HEPH: variants seen among roughly 807,000 people sequenced by gnomAD.
HEPH encodes the protein hephaestin.
In HEPH, 69 loss-of-function variants were observed where a neutral mutation model predicts 80.8. That is an observed-to-expected ratio of 0.85 (90% confidence interval 0.70 to 1.04). HEPH has a LOEUF of 1.04. Among genes scored for constraint, HEPH ranks in the 50% least tolerant of loss-of-function variants. The probability of loss-of-function intolerance (pLI) is 0.00; values close to 1 mark genes in which losing one functional copy is unlikely to be tolerated. For missense variants in HEPH, 1,115 were observed against 891.3 expected, an observed-to-expected ratio of 1.25 and a Z score of -3.20; for synonymous variants, 431 against 322.8, an observed-to-expected ratio of 1.34 and a Z score of -3.60.
intron 15 of HEPH, among the ~76,000 whole-genome samples, chrX:66,209,011 TATTA>T (rs1316336881): frequency 9.0e-6 from 1 of 110,924 alleles, no homozygotes; most frequent in Admixed American, 9.6e-5. Context: ...CATTCTCTTT[TATTA>T]ATTCATTCAT....
At chrX:66,211,000 G>C (rs1238707196) in intron 15 of HEPH, among the ~76,000 whole-genome samples, 1 of 111,445 alleles carries the variant, frequency 9.0e-6, no homozygotes, top group Non-Finnish European at 1.9e-5. Flanking sequence ...GAGCTGTACG[G>C]ATAGAAGATT....
intron 15 of HEPH, among the ~76,000 whole-genome samples, chrX:66,236,729 C>T (rs982640972): frequency 2.7e-5 from 3 of 111,253 alleles, no homozygotes; most frequent in Non-Finnish European, 5.7e-5. Flanking sequence ...GGTTGTGAAT[C>T]TGTCTGGTCC....
At chrX:66,241,442 A>G (rs1024910476) in intron 15 of HEPH, among the ~76,000 whole-genome samples, 59 of 112,007 alleles carry the variant, frequency 5.3e-4, no homozygotes, top group African/African-American at 1.7e-3. Flanking sequence ...AAAACAAAAA[A>G]GAGCTGAGGT....
At chrX:66,195,016 C>G (rs907967974) in intron 8 of HEPH, 82 bp from the exon 9 acceptor site, 2 of 801,200 alleles carry the variant, frequency 2.5e-6, no homozygotes, top group Non-Finnish European at 3.4e-6. Flanking sequence ...CTTTCCTTTT[C>G]TTTCCCTCCC....
intron 15 of HEPH, among the ~76,000 whole-genome samples, chrX:66,250,121 G>A (rs758731491): frequency 6.3e-4 from 70 of 111,100 alleles, no homozygotes; most frequent in African/African-American, 2.3e-3. Context: ...AATTCTACAT[G>A]GTTTTTTTGT....
intron 15 of HEPH, among the ~76,000 whole-genome samples, chrX:66,251,950 T>A (rs778213905): frequency 8.9e-5 from 10 of 112,175 alleles, no homozygotes; most frequent in Admixed American, 1.9e-4. Flanking sequence ...TTACTTTGTA[T>A]TTTAAAAGGT....
intron 4 of HEPH, among the ~76,000 whole-genome samples, chrX:66,176,620 G>A (rs918787170): frequency 1.3e-4 from 14 of 111,035 alleles, no homozygotes; most frequent in African/African-American, 4.6e-4. Flanking sequence ...TTTAGCATTA[G>A]GTATATCTCC....
At chrX:66,167,683 G>T (rs2086433810) in intron 1 of HEPH, among the ~76,000 whole-genome samples, 1 of 112,222 alleles carries the variant, frequency 8.9e-6, no homozygotes, top group Non-Finnish European at 1.9e-5. Context: ...ATCAGTGAAT[G>T]TAAGTATTGG....
intron 19 of HEPH, among the ~76,000 whole-genome samples, chrX:66,260,694 T>C (rs2091333091): frequency 8.9e-6 from 1 of 112,536 alleles, no homozygotes; most frequent in African/African-American, 3.2e-5. Flanking sequence ...AAAAAGAGAA[T>C]AAAAATAATT....
chrX:66,256,644 G>A (rs1316799768), intron 17 of HEPH, among the ~76,000 whole-genome samples: 1 of 111,782 alleles, frequency 8.9e-6, no homozygotes, highest in Non-Finnish European at 1.9e-5. Flanking sequence ...CAATGTACTT[G>A]TCAAGCTGGC....
At chrX:66,258,789 A>C (rs2091262920) in intron 17 of HEPH, 51 bp from the exon 18 acceptor site, 1 of 1,032,991 alleles carries the variant, frequency 9.7e-7, no homozygotes, top group Non-Finnish European at 1.3e-6. Context: ...CAAAGGAGAG[A>C]TGTAAGAAGC....
Position 66,255,151 on chromosome X carries a change from A to T in HEPH, c.2670+10A>T, listed in dbSNP as rs375902133. The T allele has an allele frequency of 3.1e-5, 35 of 1,144,671 alleles. No individual in the cohort carries two copies. The highest frequency in any genetic ancestry group is 4.2e-5 in the Non-Finnish European group (35 of 840,127). The allele number at this position is 1,144,671 out of a possible 1,213,427, so 94.3% of individuals were successfully genotyped here. On this transcript the variant is annotated intron_variant, in intron 16 of 20. Coordinates refer to ENST00000343002, the MANE Select transcript of HEPH (RefSeq NM_001367233.3). ...AGTGGATCCCATCAAGGTAAATACA[A>T]GATTGGCTACCTGGAGGTGGGTCAA...
intron 4 of HEPH, among the ~76,000 whole-genome samples, chrX:66,176,580 T>C (rs1375291448): frequency 4.5e-5 from 5 of 111,682 alleles, no homozygotes; most frequent in African/African-American, 1.6e-4. Flanking sequence ...ACATGTGCCA[T>C]GTTGGTGCGC....
intron 4 of HEPH, among the ~76,000 whole-genome samples, chrX:66,186,445 G>A (rs1012775747): frequency 6.2e-5 from 7 of 112,196 alleles, no homozygotes; most frequent in African/African-American, 1.9e-4. Context: ...CGCAATATTC[G>A]GGTGGGAGTG....
At chrX:66,179,954 C>T (rs1215764386) in intron 4 of HEPH, among the ~76,000 whole-genome samples, 1 of 111,060 alleles carries the variant, frequency 9.0e-6, no homozygotes, top group East Asian at 2.8e-4. Context: ...CACCCCTTGA[C>T]TTTAAGTTTA....
chrX:66,199,821 G>C (rs762644829), intron 11 of HEPH, among the ~76,000 whole-genome samples: 1 of 111,954 alleles, frequency 8.9e-6, no homozygotes, highest in African/African-American at 3.3e-5. Context: ...CATAAGGGAA[G>C]TTTATTCCAG....
At chrX:66,263,883 C>T (rs2091444237) in intron 20 of HEPH, among the ~76,000 whole-genome samples, 195 bp downstream of exon 20, 1 of 111,026 alleles carries the variant, frequency 9.0e-6, no homozygotes, top group African/African-American at 3.3e-5. Context: ...TTTATTCTCT[C>T]TGGCTTCCAC....
chrX:66,265,425 TATTA>T (rs985130471), intron 20 of HEPH, among the ~76,000 whole-genome samples: 7 of 110,633 alleles, frequency 6.3e-5, no homozygotes, highest in Non-Finnish European at 1.1e-4. Flanking sequence ...ATTTTATAAG[TATTA>T]ATTCACTTAA....
In HEPH at chrX:66,170,212, T is replaced by G. The variant is rs551751599; in HGVS notation, c.-13-346T>G. ...AAAAGAGAGGCAAAGGGAGAATTAG[T>G]GTTAGTGGCCCAATAAGGCTTCTGG... is the stretch of plus-strand genomic sequence containing the variant. On this transcript the variant is annotated intron_variant, in intron 1 of 20. Coordinates refer to ENST00000343002, the MANE Select transcript of HEPH (RefSeq NM_001367233.3). The G allele has an allele frequency of 2.2e-5, 3 of 139,146 alleles. No individual in the cohort carries two copies. In the Admixed American group the frequency reaches 2.4e-4, roughly 11 times the overall value. 11.5% of individuals were successfully genotyped at this position (139,146 alleles called of 1,213,427 possible).
Sources: gnomAD v4.1 joint callset for allele counts (sites outside exome capture counted in the v4.1 genomes callset) on GRCh38, gnomAD v4.1.1 for gene constraint, MANE v1.5 for transcripts, NCBI Gene and HGNC (gene_info 2026-07-23, HGNC 2026-07-21) for gene names.